Variants in C9orf50 observed in about 807,000 individuals in gnomAD.
C9orf50 encodes chromosome 9 open reading frame 50.
C9orf50 carries 33 observed loss-of-function variants against 42.5 expected under a neutral mutation model. The observed-to-expected ratio is 0.78, with a 90% CI of 0.59 to 1.04. C9orf50 has a LOEUF of 1.04. Ranked by LOEUF, C9orf50 falls within the 50% of genes least tolerant of loss-of-function variation. C9orf50 has a pLI of 0.00. For missense variants in C9orf50, 547 were observed against 594.3 expected (o/e 0.92, Z 0.83); for synonymous variants, 257 against 273.4 (o/e 0.94, Z 0.59).
chr9:129,616,917 C>CA (rs1162255198), intron 3 of C9orf50, among the ~76,000 whole-genome samples: 1 of 152,016 alleles, frequency 6.6e-6, no homozygotes, highest in Non-Finnish European at 1.5e-5. Flanking sequence ...ACCAAAAATA[C>CA]AAAAAAATTA....
At chr9:129,616,900 C>T (rs140292551) in intron 3 of C9orf50, among the ~76,000 whole-genome samples, 23 of 152,228 alleles carry the variant, frequency 1.5e-4, no homozygotes, top group Non-Finnish European at 2.4e-4. Context: ...GTGAAACCCC[C>T]GTCTCTACCA....
chr9:129,615,422 C>T (rs1484097062), intron 4 of C9orf50, 62 bp downstream of exon 4: 7 of 1,478,092 alleles, frequency 4.7e-6, no homozygotes, highest in African/African-American at 1.4e-5. Context: ...GGAGCTACAG[C>T]CTCTCTGCCC....
exon 3 of C9orf50, chr9:129,619,610 C>T (rs1830569597): frequency 6.2e-7 from 1 of 1,613,986 alleles, no homozygotes; most frequent in Non-Finnish European, 8.5e-7. Context: ...CTTCGTAAGA[C>T]TATCCTGGAG....
In C9orf50 at chr9:129,613,103, C is replaced by A; in HGVS notation, c.1188+4G>T. 6.2e-7 allele frequency: 1 copy of A among 1,613,774 alleles called. No homozygotes were observed. On this transcript the variant is annotated splice_donor_region_variant and intron_variant, in intron 6 of 6. Coordinates refer to ENST00000372478, the Ensembl canonical transcript of C9orf50. This position sits in a 1 kb window ranked among gnomAD's most constrained non-coding sequence, Gnocchi z 6.2. ...TAGGTCCAGGAGCAAGACCATTTGCCCACCTGCTCCAGGTTTCTGTGCGGG... is the reference window on the plus strand; with the variant it reads ...TAGGTCCAGGAGCAAGACCATTTGCACACCTGCTCCAGGTTTCTGTGCGGG...
At chr9:129,612,375 G>T (rs1263191306) in exon 7 of C9orf50, 6 of 1,613,882 alleles carry the variant, frequency 3.7e-6, no homozygotes, top group Non-Finnish European at 5.1e-6. Flanking sequence ...CAGTGTTGCG[G>T]AGGCCAGGAG....
intron 3 of C9orf50, among the ~76,000 whole-genome samples, chr9:129,618,564 A>G (rs1035929296): frequency 1.3e-5 from 2 of 152,220 alleles, no homozygotes; most frequent in Non-Finnish European, 2.9e-5. Context: ...TGGCTTTATG[A>G]CTAGATTAGC....
At position 129,613,498 on chromosome 9, in the gene C9orf50, GC is replaced by G; in HGVS notation, c.979del (p.Ala327ProfsTer37). 1 of 1,614,146 alleles carries G rather than the reference GC, an allele frequency of 6.2e-7. No individual in the cohort carries two copies. The highest frequency in any genetic ancestry group is 8.5e-7 in the Non-Finnish European group (1 of 1,180,022). On this transcript the variant is annotated frameshift_variant, in exon 5 of 7. Coordinates refer to ENST00000372478, the Ensembl canonical transcript of C9orf50. LOFTEE classifies it high-confidence loss of function. The surrounding 1 kb of genome is among the most constrained non-coding windows in gnomAD (Gnocchi z 6.2). ...CTCCTCCTTGGCCCCAGGGTACAGG[GC>G]TTTGGGCAAACTCTCCAGCCGTTTT...
At chr9:129,620,780 G>T, upstream of C9orf50, 2 of 427,126 alleles carry the variant, frequency 4.7e-6, no homozygotes, top group Non-Finnish European at 7.9e-6. The surrounding 1 kb of genome is among the most constrained non-coding windows in gnomAD (Gnocchi z 5.8). Context: ...GAAAAATGGT[G>T]ACAGCAAGAG....
rs865945075 is a variant in C9orf50 at position 129,617,824 on chromosome 9, C to T, written c.716+1696G>A. ...TCAGCCTCCCGAGTAGCTGGAACCA[C>T]AGGCATGCACCACCACGCCCAGCTA... On this transcript the variant is annotated intron_variant, in intron 3 of 6. Transcript: ENST00000372478. 3.9e-5 allele frequency among the ~76,000 whole-genome samples: 6 copies of T among 152,252 alleles called. No homozygotes were observed. In the East Asian group the frequency reaches 9.7e-4, roughly 25 times the overall value.
chr9:129,620,458 C>A lies in C9orf50; in HGVS notation c.117G>T (p.Ala39=). Residue 39 remains alanine, a synonymous_variant, in exon 1 of 7, where the codon GCG becomes GCT. Transcript: ENST00000372478. This position sits in a 1 kb window ranked among gnomAD's most constrained non-coding sequence, Gnocchi z 5.8. ...CCCGCGCGCCCAGAGCCGCTCGGAG[C>A]GCGGGCGGGGTCAGCTTGGGCAGCC... The A allele has an allele frequency of 1.5e-6, 2 of 1,330,090 alleles. No individual in the cohort carries two copies. The highest frequency in any genetic ancestry group is 3.5e-5 in the Admixed American group (1 of 28,698). 82.4% of individuals were successfully genotyped at this position (1,330,090 alleles called of 1,614,324 possible). A position where few individuals can be genotyped will look rare whatever the true frequency, so the allele number is the denominator to read the frequency against.
At chr9:129,616,992 A>T (rs1320442187) in intron 3 of C9orf50, among the ~76,000 whole-genome samples, 1 of 152,104 alleles carries the variant, frequency 6.6e-6, no homozygotes, top group Non-Finnish European at 1.5e-5. Context: ...ACTTGAACCC[A>T]GGAGGTAGAG....
chr9:129,615,450 G>A (rs761137585), intron 4 of C9orf50, 34 bp downstream of exon 4: 45 of 1,527,842 alleles, frequency 2.9e-5, no homozygotes, highest in South Asian at 7.5e-5. Flanking sequence ...TAGAACTTTC[G>A]GGAGTCTCGA....
chr9:129,619,525 G>C (rs1210540384), exon 3 of C9orf50: 1 of 1,611,446 alleles, frequency 6.2e-7, no homozygotes, highest in Non-Finnish European at 8.5e-7. Flanking sequence ...CTCACTGGTT[G>C]GCCTTTCTGA....
At position 129,613,547 on chromosome 9, in the gene C9orf50, C is replaced by T. The variant is rs547056212; in HGVS notation, c.931G>A (p.Glu311Lys). The T allele has an allele frequency of 2.1e-5, 34 of 1,614,142 alleles. 1 individual carries two copies. The East Asian group carries it at 3.8e-4, about 18-fold the overall frequency. Reference sequence around the variant, plus strand: ...TTTCCGACACTCCCAAACACCCGCTCGGACGCCACTGGCAGGGCGGCCTTC... The same window carrying T: ...TTTCCGACACTCCCAAACACCCGCTTGGACGCCACTGGCAGGGCGGCCTTC... Residue 311 changes from glutamate (E) to lysine (K), a missense_variant, in exon 5 of 7, where the codon GAG becomes AAG. Coordinates refer to ENST00000372478, the Ensembl canonical transcript of C9orf50. This position sits in a 1 kb window ranked among gnomAD's most constrained non-coding sequence, Gnocchi z 6.2.
In C9orf50 at chr9:129,614,100, GC is replaced by G. The variant is rs1342812231; in HGVS notation, c.881-504del. Among the ~76,000 whole-genome samples, 3 of 152,164 alleles carry G rather than the reference GC, an allele frequency of 2.0e-5. No individual in the cohort carries two copies. The highest frequency in any genetic ancestry group is 4.4e-5 in the Non-Finnish European group (3 of 68,028). On this transcript the variant is annotated intron_variant, in intron 4 of 6. Coordinates refer to ENST00000372478, the Ensembl canonical transcript of C9orf50. This position sits in a 1 kb window ranked among gnomAD's most constrained non-coding sequence, Gnocchi z 4.4. ...CGGGACACCATGATAGCTCCTTATG[GC>G]CAGTGGCTGACACGGAATCATCTCC...
chr9:129,620,267 G>GGCGGCAGCAGGGACC lies in C9orf50; in HGVS notation c.293_307dup (p.Arg98_Pro102dup), dbSNP rs1830618957. On this transcript the variant is annotated inframe_insertion, in exon 1 of 7. Transcript: ENST00000372478. The surrounding 1 kb of genome is among the most constrained non-coding windows in gnomAD (Gnocchi z 5.8). ...GGACGCGCCGGCCGACAGCAGGGGAGGCGGCAGCAGGGACCGCAGCAGCCC... is the reference window on the plus strand; with the variant it reads ...GGACGCGCCGGCCGACAGCAGGGGAGGCGGCAGCAGGGACCGCGGCAGCAGGGACCGCAGCAGCCC... 2.3e-6 allele frequency: 3 copies of GGCGGCAGCAGGGACC among 1,313,914 alleles called. No individual in the cohort carries two copies. The East Asian group carries it at 9.2e-5, about 40-fold the overall frequency. 81.4% of individuals were successfully genotyped at this position (1,313,914 alleles called of 1,614,324 possible).
At chr9:129,621,709 G>T (rs1830724387), upstream of C9orf50, among the ~76,000 whole-genome samples, 1 of 151,982 alleles carries the variant, frequency 6.6e-6, no homozygotes, top group African/African-American at 2.4e-5. Context: ...GGGAGGCAGA[G>T]CCCCAGTCTT....
chr9:129,620,402 C>A lies in C9orf50; in HGVS notation c.173G>T (p.Gly58Val). 1 of 1,236,436 alleles carries A rather than the reference C, an allele frequency of 8.1e-7. No homozygotes were observed. The highest frequency in any genetic ancestry group is 1.0e-6 in the Non-Finnish European group (1 of 990,502). The allele number at this position is 1,236,436 out of a possible 1,614,324, so 76.6% of individuals were successfully genotyped here. Residue 58 changes from glycine (G) to valine (V), a missense_variant, in exon 1 of 7, where the codon GGC (glycine) becomes GTC (valine). This residue lies in a region of C9orf50 where 105 missense variants were observed against 98.5 expected (regional missense o/e 1.07). Transcript: ENST00000372478. This position sits in a 1 kb window ranked among gnomAD's most constrained non-coding sequence, Gnocchi z 5.8. ...GTCCCCTTCCGGCCACCACGCGGCGCCGCCCCCCGGGATCCTCCAGTCCCC... is the reference window on the plus strand; with the variant it reads ...GTCCCCTTCCGGCCACCACGCGGCGACGCCCCCCGGGATCCTCCAGTCCCC...
rs772422291 is a variant in C9orf50, at chr9:129,615,549, C to T, written c.815G>A (p.Arg272Gln). The T allele has an allele frequency of 2.5e-5, 40 of 1,610,542 alleles. 1 individual carries two copies. Among genetic ancestry groups the T allele is most frequent in the South Asian group, 2.1e-4 (19 of 90,790 alleles). ...CAGGGTCTCGTCAGCGAATCGCACC[C>T]GGAAAGGGCAACGCTGCCTGCAGGG... Residue 272 changes from arginine (R) to glutamine (Q), a missense_variant, in exon 4 of 7, where the codon CGG (arginine) becomes CAG (glutamine). By Grantham distance (43) the Arg-to-Gln change is conservative (BLOSUM62 1). Around this residue, in one of 3 missense-constraint regions of C9orf50, gnomAD observed 334 missense variants for 323.7 expected, o/e 1.03. Coordinates refer to ENST00000372478, the Ensembl canonical transcript of C9orf50.
Sources: gnomAD v4.1 joint callset for allele counts (sites outside exome capture counted in the v4.1 genomes callset) on GRCh38, gnomAD v4.1.1 for gene constraint, gnomAD v4.1.1 regional missense constraint, Gnocchi (gnomAD v3.1) non-coding constraint, MANE v1.5 for transcripts, NCBI Gene and HGNC (gene_info 2026-07-23, HGNC 2026-07-21) for gene names.